ARHGAP28: variants seen among roughly 807,000 people sequenced by gnomAD.
The protein encoded by ARHGAP28 is rho GTPase-activating protein 28.
In ARHGAP28, 56 loss-of-function variants were observed where a neutral mutation model predicts 90.7. The observed-to-expected ratio is 0.62, with a 90% CI of 0.50 to 0.77. ARHGAP28 has a LOEUF of 0.77. ARHGAP28 is among the 30% of genes least tolerant of loss of function. The probability of loss-of-function intolerance (pLI) is 0.00; values close to 1 mark genes in which losing one functional copy is unlikely to be tolerated. For missense variants in ARHGAP28, 869 were observed against 900.9 expected (o/e 0.96, Z 0.45); for synonymous variants, 308 against 323.3 (o/e 0.95, Z 0.51).
intron 1 of ARHGAP28, among the ~76,000 whole-genome samples, chr18:6,809,141 A>G (rs971989882): frequency 1.3e-5 from 2 of 152,140 alleles, no homozygotes; most frequent in Admixed American, 6.5e-5. Flanking sequence ...TTAGAAGGCT[A>G]ATTTAATTTG....
rs1291008405 is a variant in ARHGAP28 at position 6,914,024 on chromosome 18, TGAAAA to T, written c.*1871_*1875del. The T allele has an allele frequency of 6.6e-6, 1 of 152,196 alleles. No homozygotes were observed. The highest frequency in any genetic ancestry group is 1.5e-5 in the Non-Finnish European group (1 of 68,032). 9.4% of individuals were successfully genotyped at this position (152,196 alleles called of 1,614,324 possible). A position where few individuals can be genotyped will look rare whatever the true frequency, so the allele number is the denominator to read the frequency against. ...GCTACCTTACATTTCTGCGTATATA[TGAAAA>T]CTGAATGATATTTCTCAGTGTATTT... On this transcript the variant is annotated 3_prime_UTR_variant, in exon 18 of 18. Transcript: ENST00000383472.
At chr18:6,808,340 G>A (rs2056533576) in intron 1 of ARHGAP28, among the ~76,000 whole-genome samples, 1 of 151,884 alleles carries the variant, frequency 6.6e-6, no homozygotes, top group Admixed American at 6.6e-5. Flanking sequence ...AGCTTTAAAG[G>A]TTTTGAGTAT....
Position 6,837,792 on chromosome 18 carries a change from G to A in ARHGAP28, c.543+378G>A, listed in dbSNP as rs1009474241. On this transcript the variant is annotated intron_variant, in intron 3 of 17. Transcript: ENST00000383472. ...GGAAGTAAGCAAGACCAGGTGGTTT[G>A]GTTGAATGGGGGGTGGGGATGAGAG... Among the ~76,000 whole-genome samples, 15 of 152,176 alleles carry A rather than the reference G, an allele frequency of 9.9e-5. 1 individual carries two copies. Among genetic ancestry groups the A allele is most frequent in the Admixed American group, 7.2e-4 (11 of 15,278 alleles).
rs996625893 is a variant in ARHGAP28, at chr18:6,912,858, T to C, written c.*704T>C. The C allele has an allele frequency of 6.6e-6, 1 of 152,252 alleles. No homozygotes were observed. The highest frequency in any genetic ancestry group is 1.5e-5 in the Non-Finnish European group (1 of 68,042). The allele number at this position is 152,252 out of a possible 1,614,324, so 9.4% of individuals were successfully genotyped here. On this transcript the variant is annotated 3_prime_UTR_variant, in exon 18 of 18. Transcript: ENST00000383472. ...ATTCTTCTATGAGCACAGGTCCTCC[T>C]AGTGAAGCTTAGTTTGACAAAGGGT...
chr18:6,783,450 T>C (rs59120042), intron 1 of ARHGAP28, among the ~76,000 whole-genome samples: 6 of 140,432 alleles, frequency 4.3e-5, no homozygotes, highest in East Asian at 3.9e-4. Flanking sequence ...TACAGGCATG[T>C]GCCACCAGGC....
At chr18:6,818,441 G>A (rs769692365) in intron 1 of ARHGAP28, among the ~76,000 whole-genome samples, 19 of 152,172 alleles carry the variant, frequency 1.2e-4, no homozygotes, top group East Asian at 3.9e-4. Flanking sequence ...GTATTTCTGC[G>A]TTGTTTTCCT....
intron 9 of ARHGAP28, 120 bp downstream of exon 9, chr18:6,873,895 C>T: frequency 1.2e-6 from 1 of 851,566 alleles, no homozygotes; most frequent in Non-Finnish European, 1.9e-6. Flanking sequence ...TATTAGGACT[C>T]AGGCCCCTGG....
intron 1 of ARHGAP28, among the ~76,000 whole-genome samples, chr18:6,785,995 G>A (rs571608466): frequency 6.6e-5 from 10 of 152,300 alleles, no homozygotes; most frequent in African/African-American, 1.7e-4. Context: ...TCTTCATATG[G>A]GTTGACATTA....
At chr18:6,759,640 A>G (rs1046532399) in intron 1 of ARHGAP28, among the ~76,000 whole-genome samples, 1 of 152,232 alleles carries the variant, frequency 6.6e-6, no homozygotes, top group African/African-American at 2.4e-5. Flanking sequence ...CAGCACATCT[A>G]TTTGGAAATT....
At chr18:6,876,585 A>G (rs1287128781) in intron 10 of ARHGAP28, among the ~76,000 whole-genome samples, 1 of 152,164 alleles carries the variant, frequency 6.6e-6, no homozygotes, top group Non-Finnish European at 1.5e-5. Flanking sequence ...TAAACACCTT[A>G]GTTTGTTGTG....
Position 6,757,673 on chromosome 18 carries a change from C to T in ARHGAP28, c.122+27730C>T, listed in dbSNP as rs189031936. 2.1e-3 allele frequency among the ~76,000 whole-genome samples: 320 copies of T among 152,276 alleles called. 1 individual carries two copies. The highest frequency in any genetic ancestry group is 4.1e-3 in the Admixed American group (63 of 15,300). On this transcript the variant is annotated intron_variant, in intron 1 of 17. Coordinates refer to ENST00000383472, the MANE Select transcript of ARHGAP28 (RefSeq NM_001366230.1). The stretch of plus-strand genomic sequence containing the variant: ...CCAAAATTTTGTTATCTCTTTCTCC[C>T]TATGTCCTCCTCTCCATCATTGCAA...
intron 1 of ARHGAP28, among the ~76,000 whole-genome samples, chr18:6,770,275 A>T (rs2056232037): frequency 6.6e-6 from 1 of 152,198 alleles, no homozygotes; most frequent in African/African-American, 2.4e-5. Context: ...TCAAATAAGG[A>T]TAGAAATAGC....
chr18:6,835,947 C>G (rs2056750134), intron 2 of ARHGAP28, among the ~76,000 whole-genome samples: 1 of 152,156 alleles, frequency 6.6e-6, no homozygotes, highest in African/African-American at 2.4e-5. Context: ...CTTGAGGTCT[C>G]TCTCGGGTGA....
intron 17 of ARHGAP28, among the ~76,000 whole-genome samples, chr18:6,910,828 TTTTTG>T (rs139712363): frequency 0.015 from 132 of 8,768 alleles, 1 homozygote; most frequent in East Asian, 0.028. Context: ...TAGTTTTGTT[TTTTTG>T]TTTTGTTTTG....
chr18:6,840,229 G>C (rs757808047), intron 3 of ARHGAP28, among the ~76,000 whole-genome samples: 4 of 152,176 alleles, frequency 2.6e-5, no homozygotes, highest in Non-Finnish European at 5.9e-5. Context: ...TTGTGTCCGG[G>C]ATCATCTTGA....
intron 1 of ARHGAP28, among the ~76,000 whole-genome samples, chr18:6,813,637 C>T (rs1188040333): frequency 6.6e-6 from 1 of 152,030 alleles, no homozygotes; most frequent in African/African-American, 2.4e-5. Context: ...ATAATCTCTA[C>T]TATAAAAGTG....
intron 3 of ARHGAP28, among the ~76,000 whole-genome samples, chr18:6,837,746 G>A (rs2056765414): frequency 6.6e-6 from 1 of 152,132 alleles, no homozygotes; most frequent in African/African-American, 2.4e-5. Context: ...GAAACTCTGT[G>A]GTCGGGCAAA....
chr18:6,839,633 A>G (rs1319365076), intron 3 of ARHGAP28, among the ~76,000 whole-genome samples: 2 of 152,176 alleles, frequency 1.3e-5, no homozygotes, highest in Admixed American at 1.3e-4. Context: ...GCAAGTTTCT[A>G]AGTCAGCCTC....
chr18:6,896,629 G>A lies in ARHGAP28; in HGVS notation c.2030+3G>A. On this transcript the variant is annotated splice_donor_region_variant and intron_variant, in intron 16 of 17. Coordinates refer to ENST00000383472, the MANE Select transcript of ARHGAP28 (RefSeq NM_001366230.1). ...GCAAAATTTCAATATGAAAACAGGT[G>A]AGTCAATGTGAATGAAGGTCTCTGC... is the stretch of plus-strand genomic sequence containing the variant. 1 of 1,613,872 alleles carries A rather than the reference G, an allele frequency of 6.2e-7. No homozygotes were observed. The highest frequency in any genetic ancestry group is 8.5e-7 in the Non-Finnish European group (1 of 1,179,948).
Sources: allele counts gnomAD v4.1 joint callset (sites outside exome capture counted in the v4.1 genomes callset), GRCh38; gene constraint gnomAD v4.1.1; transcripts MANE v1.5; gene names NCBI Gene and HGNC (gene_info 2026-07-23, HGNC 2026-07-21).